TOPBP1: variants seen among roughly 807,000 people sequenced by gnomAD.
The protein encoded by TOPBP1 is DNA topoisomerase 2-binding protein 1.
TOPBP1 carries 28 observed loss-of-function variants against 167.7 expected under a neutral mutation model. That is an observed-to-expected ratio of 0.17 (90% CI 0.12 to 0.23). The LOEUF (loss-of-function observed/expected upper bound fraction) is 0.23. TOPBP1 is among the 10% of genes least tolerant of loss of function. The pLI is 1.00. For missense variants in TOPBP1, 1,554 were observed against 1,809.6 expected (o/e 0.86, Z 2.56); for synonymous variants, 598 against 611.4 (o/e 0.98, Z 0.32).
chr3:133,622,367 A>C (rs1935122610), intron 19 of TOPBP1, among the ~76,000 whole-genome samples: 1 of 151,162 alleles, frequency 6.6e-6, no homozygotes, highest in African/African-American at 2.4e-5. Context: ...AATTTTTTGT[A>C]TTTTTAGTAG....
At chr3:133,624,252 G>C in intron 16 of TOPBP1, 77 bp from the exon 17 acceptor site, 1 of 1,519,364 alleles carries the variant, frequency 6.6e-7, no homozygotes, top group Non-Finnish European at 9.0e-7. Flanking sequence ...TATTTACTGT[G>C]AACAGAATAT....
chr3:133,643,114 C>A, intron 12 of TOPBP1, 86 bp downstream of exon 12: 1 of 1,336,858 alleles, frequency 7.5e-7, no homozygotes, highest in South Asian at 1.9e-5. Flanking sequence ...GACACCCAAC[C>A]AAATTCTAAT....
At chr3:133,658,412 AG>A (rs372423170) in intron 3 of TOPBP1, among the ~76,000 whole-genome samples, 16 of 152,176 alleles carry the variant, frequency 1.1e-4, no homozygotes, top group Non-Finnish European at 1.8e-4. Flanking sequence ...GGTTGCAGTG[AG>A]CTGAGATCAC....
In TOPBP1 at chr3:133,620,166, T is replaced by A; in HGVS notation, c.3360A>T (p.Leu1120=). Residue 1120 remains leucine, a synonymous_variant, in exon 20 of 28, where the codon CTA becomes CTT. Coordinates refer to ENST00000260810, the MANE Select transcript of TOPBP1 (RefSeq NM_007027.4). ...RSARSGRSRV[L]EALRQSRQTV... is the part of the protein sequence containing the mutation. The stretch of plus-strand genomic sequence containing the variant: ...TGACAGGTACACACCTCAGTGCCTC[T>A]AGGACTCTACTTCGTCCACTGCGAG... 1 of 1,613,138 alleles carries A rather than the reference T, an allele frequency of 6.2e-7. No homozygotes were observed. The highest frequency in any genetic ancestry group is 1.1e-5 in the South Asian group (1 of 90,892).
chr3:133,651,533 A>G (rs1936305023), intron 8 of TOPBP1, among the ~76,000 whole-genome samples: 1 of 152,094 alleles, frequency 6.6e-6, no homozygotes, highest in African/African-American at 2.4e-5. Flanking sequence ...AATTTTTGCT[A>G]CTCTGTGAAA....
At chr3:133,602,873 A>C (rs1427135871) in intron 27 of TOPBP1, among the ~76,000 whole-genome samples, 2 of 151,648 alleles carry the variant, frequency 1.3e-5, no homozygotes, top group Non-Finnish European at 2.9e-5. Context: ...ACTTGGATGC[A>C]AGAGATCTAC....
intron 10 of TOPBP1, among the ~76,000 whole-genome samples, chr3:133,649,159 CA>C (rs1936190960): frequency 6.6e-6 from 1 of 151,954 alleles, no homozygotes; most frequent in Non-Finnish European, 1.5e-5. Flanking sequence ...GTATATATAA[CA>C]AATCAAAATA....
At chr3:133,623,259 T>C in intron 18 of TOPBP1, 52 bp downstream of exon 18, 2 of 1,611,942 alleles carry the variant, frequency 1.2e-6, no homozygotes, top group South Asian at 1.1e-5. Flanking sequence ...TAGCAATATA[T>C]GATTATACCT....
intron 16 of TOPBP1, among the ~76,000 whole-genome samples, chr3:133,625,515 C>G (rs1030249596): frequency 1.3e-5 from 2 of 152,060 alleles, no homozygotes; most frequent in African/African-American, 4.8e-5. Flanking sequence ...GGTGGATCAC[C>G]TGAGGTCGGG....
At chr3:133,615,100 T>G in intron 23 of TOPBP1, among the ~76,000 whole-genome samples, 1 of 151,542 alleles carries the variant, frequency 6.6e-6, no homozygotes, top group East Asian at 1.9e-4. Context: ...AAGCATATCA[T>G]AGTTTTCCAC....
chr3:133,600,936 T>C lies in TOPBP1; in HGVS notation c.*314A>G, dbSNP rs1157647943. 2 of 166,890 alleles carry C rather than the reference T, an allele frequency of 1.2e-5. No individual in the cohort carries two copies. The highest frequency in any genetic ancestry group is 4.8e-5 in the African/African-American group (2 of 41,784). The allele number at this position is 166,890 out of a possible 1,614,324, so 10.3% of individuals were successfully genotyped here. On this transcript the variant is annotated 3_prime_UTR_variant, in exon 28 of 28. Transcript: ENST00000260810. Reference sequence around the variant, plus strand: ...GCAAAATCCATTACCTTGCTAAAATTTCCACTAAGCTACAGCTTCAGATAT... The same window carrying C: ...GCAAAATCCATTACCTTGCTAAAATCTCCACTAAGCTACAGCTTCAGATAT...
At chr3:133,619,962 G>C (rs1935026647) in intron 20 of TOPBP1, among the ~76,000 whole-genome samples, 193 bp downstream of exon 20, 1 of 152,108 alleles carries the variant, frequency 6.6e-6, no homozygotes, top group African/African-American at 2.4e-5. Context: ...TTTACTGTTT[G>C]GGCTAAATAA....
chr3:133,655,043 C>A (rs1374433343), intron 6 of TOPBP1, among the ~76,000 whole-genome samples: 3 of 147,328 alleles, frequency 2.0e-5, no homozygotes, highest in Non-Finnish European at 4.6e-5. Flanking sequence ...CCCGTCTCTA[C>A]TAAAAATAAA....
chr3:133,648,320 A>G (rs1936152002), intron 10 of TOPBP1, among the ~76,000 whole-genome samples: 1 of 152,266 alleles, frequency 6.6e-6, no homozygotes, highest in South Asian at 2.1e-4. Flanking sequence ...TCTCAGATGT[A>G]AAAAGAACTG....
intron 20 of TOPBP1, among the ~76,000 whole-genome samples, chr3:133,619,111 C>CA (rs71136485): frequency 0.33 from 33,781 of 103,084 alleles, 3,987 homozygotes; most frequent in Middle Eastern, 0.38. Flanking sequence ...TGTGGAGAAG[C>CA]AAAAAAAAAA....
At chr3:133,608,773 T>C in intron 26 of TOPBP1, 77 bp from the exon 27 acceptor site, 1 of 1,569,580 alleles carries the variant, frequency 6.4e-7, no homozygotes. Flanking sequence ...TACTTAAGGA[T>C]TACCATTTCA....
intron 14 of TOPBP1, among the ~76,000 whole-genome samples, chr3:133,636,465 G>A (rs1268278746): frequency 2.0e-5 from 3 of 151,864 alleles, no homozygotes; most frequent in Admixed American, 2.0e-4. Context: ...ATAAGATGAA[G>A]CATTATTTAT....
chr3:133,655,528 C>A, intron 5 of TOPBP1, 42 bp from the exon 6 acceptor site: 1 of 1,113,062 alleles, frequency 9.0e-7, no homozygotes, highest in South Asian at 2.7e-5. Context: ...ATTAAATTTA[C>A]CAGAAGAATA....
At chr3:133,651,463 T>G (rs1226295351) in intron 8 of TOPBP1, among the ~76,000 whole-genome samples, 1 of 152,156 alleles carries the variant, frequency 6.6e-6, no homozygotes. Context: ...GTGCTGGGAT[T>G]ACAGGCATGA....
Sources: gnomAD v4.1 joint callset for allele counts (sites outside exome capture counted in the v4.1 genomes callset) on GRCh38, gnomAD v4.1.1 for gene constraint, MANE v1.5 for transcripts, NCBI Gene and HGNC (gene_info 2026-07-23, HGNC 2026-07-21) for gene names.